The following KCNT2 variants were observed in gnomAD, a reference collection of about 807,000 sequenced individuals.
The protein encoded by KCNT2 is potassium sodium-activated channel subfamily T member 2, also known as potassium channel subfamily T member 2.
A neutral mutation model predicts 153.8 loss-of-function variants in KCNT2; 67 were observed. The ratio of observed to expected loss-of-function variants is 0.44; its 90% CI spans 0.36 to 0.53. KCNT2 has a LOEUF of 0.53. KCNT2 is among the 20% of genes least tolerant of loss of function. The probability of loss-of-function intolerance (pLI) is 0.00; values close to 1 mark genes in which losing one functional copy is unlikely to be tolerated. For missense variants in KCNT2, 975 were observed against 1,354.8 expected, an observed-to-expected ratio of 0.72 and a Z score of 4.40; for synonymous variants, 500 against 458.8, an observed-to-expected ratio of 1.09 and a Z score of -1.15.
intron 19 of KCNT2, among the ~76,000 whole-genome samples, chr1:196,320,660 T>C (rs1402627244): frequency 6.6e-6 from 1 of 151,414 alleles, no homozygotes. Flanking sequence ...GTCATCCTTC[T>C]AGCTCTTTAC....
intron 1 of KCNT2, among the ~76,000 whole-genome samples, chr1:196,517,717 TAAAGAAAA>T (rs1652788702): frequency 6.6e-6 from 1 of 151,022 alleles, no homozygotes; most frequent in African/African-American, 2.4e-5. Flanking sequence ...CAGACAAAAA[TAAAGAAAA>T]AAAGAATACA....
At chr1:196,303,680 A>G (rs1292829803) in intron 22 of KCNT2, among the ~76,000 whole-genome samples, 3 of 152,130 alleles carry the variant, frequency 2.0e-5, no homozygotes, top group African/African-American at 7.2e-5. Context: ...TAATGACCCT[A>G]CTATTTAAAA....
At chr1:196,505,466 A>G (rs944852328) in intron 1 of KCNT2, among the ~76,000 whole-genome samples, 2 of 151,128 alleles carry the variant, frequency 1.3e-5, no homozygotes, top group South Asian at 2.1e-4. Context: ...TACCAGTACC[A>G]TGCTGTTTTG....
chr1:196,488,529 G>A (rs1464166990), intron 3 of KCNT2, among the ~76,000 whole-genome samples: 1 of 151,828 alleles, frequency 6.6e-6, no homozygotes, highest in Non-Finnish European at 1.5e-5. Context: ...CCCACCAAAT[G>A]CCCTTTTACC....
At chr1:196,386,818 T>C (rs1368492879) in intron 13 of KCNT2, among the ~76,000 whole-genome samples, 4 of 152,144 alleles carry the variant, frequency 2.6e-5, no homozygotes, top group Admixed American at 6.6e-5. Flanking sequence ...CATAGCTTGA[T>C]GGCTTAAATG....
intron 13 of KCNT2, 141 bp from the exon 14 acceptor site, chr1:196,373,389 T>G: frequency 1.7e-6 from 1 of 578,066 alleles, no homozygotes; most frequent in Non-Finnish European, 3.1e-6. Context: ...AAGTGCAATT[T>G]TATCCCCAGG....
At chr1:196,511,580 G>A (rs1681635761) in intron 1 of KCNT2, among the ~76,000 whole-genome samples, 2 of 152,138 alleles carry the variant, frequency 1.3e-5, no homozygotes, top group East Asian at 1.9e-4. Flanking sequence ...GATTCTGGGA[G>A]CTTAAAGGTA....
intron 8 of KCNT2, among the ~76,000 whole-genome samples, chr1:196,447,303 T>C (rs139775782): frequency 1.2e-3 from 186 of 151,756 alleles, no homozygotes; most frequent in African/African-American, 3.6e-3. Context: ...AACTGAGTTG[T>C]CAAGAAAGAT....
chr1:196,248,296 G>A (rs143716596), intron 26 of KCNT2, among the ~76,000 whole-genome samples: 1 of 151,558 alleles, frequency 6.6e-6, no homozygotes, highest in Non-Finnish European at 1.5e-5. Flanking sequence ...AACAATAAAG[G>A]TATGAGCAGA....
intron 14 of KCNT2, chr1:196,343,140 C>A (rs1665825416): frequency 6.6e-6 from 1 of 152,120 alleles, no homozygotes; most frequent in Non-Finnish European, 1.5e-5. Flanking sequence ...TTATAAAATG[C>A]CCAAGCTGTG....
intron 1 of KCNT2, among the ~76,000 whole-genome samples, chr1:196,515,492 T>C (rs918919738): frequency 6.6e-6 from 1 of 152,252 alleles, no homozygotes; most frequent in Admixed American, 6.5e-5. Context: ...ACAAGGAAGA[T>C]GTGTTCTTTA....
At chr1:196,548,124 T>TA (rs1183897928) in intron 1 of KCNT2, among the ~76,000 whole-genome samples, 1 of 150,218 alleles carries the variant, frequency 6.7e-6, no homozygotes, top group East Asian at 1.9e-4. Flanking sequence ...AACTAAAAAA[T>TA]AAAAATAGTA....
intron 1 of KCNT2, among the ~76,000 whole-genome samples, chr1:196,571,586 C>T (rs1272163151): frequency 1.3e-5 from 2 of 152,144 alleles, no homozygotes; most frequent in African/African-American, 2.4e-5. Flanking sequence ...ATTAGTTTAC[C>T]TCTATTGTGG....
chr1:196,306,959 T>G (rs1661691315), intron 21 of KCNT2, among the ~76,000 whole-genome samples: 2 of 152,072 alleles, frequency 1.3e-5, no homozygotes, highest in African/African-American at 4.8e-5. Flanking sequence ...TTAATCTTCG[T>G]TTTGGTAATA....
intron 14 of KCNT2, among the ~76,000 whole-genome samples, chr1:196,344,334 A>C (rs2148177099): frequency 6.6e-6 from 1 of 152,254 alleles, no homozygotes; most frequent in Non-Finnish European, 1.5e-5. Flanking sequence ...AATGCTTTTA[A>C]AACCTGTGCC....
rs571180943 is a variant in KCNT2, at chr1:196,465,161, G to A, written c.638+132C>T. 397 of 588,968 alleles carry A rather than the reference G, an allele frequency of 6.7e-4. 2 individuals are homozygous for A. The highest frequency in any genetic ancestry group is 3.7e-3 in the Middle Eastern group (8 of 2,146). 36.5% of individuals were successfully genotyped at this position (588,968 alleles called of 1,614,324 possible). ...TTACTTTTTCTTCTGTAGGCGATCT[G>A]TTACATTTTTTGGTGAATATTTGTT... On this transcript the variant is annotated intron_variant, in intron 8 of 27. Coordinates refer to ENST00000294725, the MANE Select transcript of KCNT2 (RefSeq NM_198503.5).
At chr1:196,531,207 G>A (rs990877958) in intron 1 of KCNT2, among the ~76,000 whole-genome samples, 1 of 152,046 alleles carries the variant, frequency 6.6e-6, no homozygotes, top group South Asian at 2.1e-4. Flanking sequence ...ACTCAACTGA[G>A]CTAGACCCAT....
At chr1:196,572,783 G>A (rs797009532) in intron 1 of KCNT2, among the ~76,000 whole-genome samples, 89 of 152,170 alleles carry the variant, frequency 5.8e-4, no homozygotes, top group African/African-American at 2.1e-3. Flanking sequence ...TTAACGCATA[G>A]GAACCAACAA....
chr1:196,469,112 C>G, intron 5 of KCNT2, 44 bp from the exon 6 acceptor site: 2 of 1,156,356 alleles, frequency 1.7e-6, no homozygotes. Context: ...ATTATACTGC[C>G]TCCTATTAAA....
Sources: gnomAD v4.1 joint callset for allele counts (sites outside exome capture counted in the v4.1 genomes callset) on GRCh38, gnomAD v4.1.1 for gene constraint, MANE v1.5 for transcripts, NCBI Gene and HGNC (gene_info 2026-07-23, HGNC 2026-07-21) for gene names.